Variants in RXRG observed in about 807,000 individuals in gnomAD.
RXRG encodes retinoic acid receptor RXR-gamma.
RXRG carries 19 observed loss-of-function variants against 49.2 expected under a neutral mutation model. That is an observed-to-expected ratio of 0.39 (90% confidence interval 0.27 to 0.57). The LOEUF (loss-of-function observed/expected upper bound fraction) is 0.57, where lower values mean the gene tolerates loss of function less well. RXRG is among the 20% of genes least tolerant of loss of function. The probability of loss-of-function intolerance (pLI) is 0.64; values close to 1 mark genes in which losing one functional copy is unlikely to be tolerated. For synonymous variants in RXRG, 224 were observed against 216.6 expected, an observed-to-expected ratio of 1.03 and a Z score of -0.30; for missense variants, 452 against 592.5, an observed-to-expected ratio of 0.76 and a Z score of 2.46.
At chr1:165,436,647 G>A (rs1001278683) in intron 1 of RXRG, among the ~76,000 whole-genome samples, 7 of 152,142 alleles carry the variant, frequency 4.6e-5, no homozygotes, top group African/African-American at 1.7e-4. Context: ...TCATCCCAGG[G>A]CAGGCACTCA....
intron 4 of RXRG, among the ~76,000 whole-genome samples, chr1:165,411,831 A>G (rs571010633): frequency 3.2e-4 from 49 of 152,344 alleles, no homozygotes; most frequent in Non-Finnish European, 6.0e-4. Context: ...TCTATACATT[A>G]GGATTGAAAG....
chr1:165,414,424 T>C (rs1658059230), intron 4 of RXRG, among the ~76,000 whole-genome samples: 1 of 152,204 alleles, frequency 6.6e-6, no homozygotes, highest in Non-Finnish European at 1.5e-5. Context: ...GACCACTCTG[T>C]CCCTAACTGA....
Position 165,445,014 on chromosome 1 carries a change from A to G in RXRG, c.-121T>C. 1 of 882,850 alleles carries G rather than the reference A, an allele frequency of 1.1e-6. No individual in the cohort carries two copies. The highest frequency in any genetic ancestry group is 1.9e-6 in the Non-Finnish European group (1 of 530,688). The allele number at this position is 882,850 out of a possible 1,614,324, so 54.7% of individuals were successfully genotyped here. A position where few individuals can be genotyped will look rare whatever the true frequency, so the allele number is the denominator to read the frequency against. On this transcript the variant is annotated 5_prime_UTR_variant, in exon 1 of 10. Transcript: ENST00000359842. The stretch of plus-strand genomic sequence containing the variant: ...CTAACAAGAGTGGTCATCGCTTCCT[A>G]GCAGCCCGGGGAGCACAGGCTGGGC...
chr1:165,432,037 T>C (rs943306818), intron 1 of RXRG, among the ~76,000 whole-genome samples: 2 of 152,152 alleles, frequency 1.3e-5, no homozygotes, highest in African/African-American at 4.8e-5. Context: ...AGGAATGATG[T>C]TTAAAAAACA....
chr1:165,441,025 A>G (rs1269070537), intron 1 of RXRG, among the ~76,000 whole-genome samples: 1 of 152,222 alleles, frequency 6.6e-6, no homozygotes, highest in Non-Finnish European at 1.5e-5. Context: ...AGCCACCCAC[A>G]TATCTGTGGA....
chr1:165,412,518 A>G (rs1025743016), intron 4 of RXRG, among the ~76,000 whole-genome samples: 2 of 152,244 alleles, frequency 1.3e-5, no homozygotes, highest in Non-Finnish European at 2.9e-5. Flanking sequence ...GGCATTGGCC[A>G]TATGACTGAG....
At chr1:165,409,154 G>A (rs1657853445) in intron 7 of RXRG, among the ~76,000 whole-genome samples, 1 of 152,110 alleles carries the variant, frequency 6.6e-6, no homozygotes, top group Admixed American at 6.6e-5. Context: ...GACAGATCCT[G>A]ATCCCTTTCC....
At chr1:165,415,070 T>C (rs1170657528) in intron 4 of RXRG, among the ~76,000 whole-genome samples, 1 of 152,162 alleles carries the variant, frequency 6.6e-6, no homozygotes, top group African/African-American at 2.4e-5. Context: ...TGATAACTAC[T>C]GTGTAAAAGA....
rs1220795092 is a variant in RXRG, at chr1:165,401,917, CA to C, written c.1245-508del. On this transcript the variant is annotated intron_variant, in intron 9 of 9. Coordinates refer to ENST00000359842, the MANE Select transcript of RXRG (RefSeq NM_006917.5). ...AATTTGCTTTAGTTTCCAGCCCCCACAAAAAATCTTTTTAAGAATGGGTTCT... is the reference window on the plus strand; with the variant it reads ...AATTTGCTTTAGTTTCCAGCCCCCACAAAAATCTTTTTAAGAATGGGTTCT... Among the ~76,000 whole-genome samples, 3 of 152,200 alleles carry C rather than the reference CA, an allele frequency of 2.0e-5. 1 individual carries two copies. Among genetic ancestry groups the C allele is most frequent in the Non-Finnish European group, 4.4e-5 (3 of 68,026 alleles).
intron 2 of RXRG, chr1:165,424,606 C>G (rs1018726925): frequency 5.6e-6 from 1 of 179,760 alleles, no homozygotes; most frequent in African/African-American, 2.4e-5. Flanking sequence ...GTTCCGATCT[C>G]TTTACTCCTC....
At chr1:165,416,752 C>T (rs11806846) in intron 4 of RXRG, among the ~76,000 whole-genome samples, 8 of 152,158 alleles carry the variant, frequency 5.3e-5, no homozygotes, top group East Asian at 1.9e-4. Context: ...ACCATCTGGG[C>T]TCCAGAAGAG....
At chr1:165,401,508 T>C (rs894095364) in intron 9 of RXRG, 98 bp from the exon 10 acceptor site, 2 of 1,392,814 alleles carry the variant, frequency 1.4e-6, no homozygotes, top group Non-Finnish European at 2.0e-6. Context: ...TCTCGACCCA[T>C]CTGTGATAAA....
At chr1:165,442,465 A>C (rs1258043973) in intron 1 of RXRG, among the ~76,000 whole-genome samples, 1 of 152,238 alleles carries the variant, frequency 6.6e-6, no homozygotes, top group Non-Finnish European at 1.5e-5. Context: ...CAAGTTCCCT[A>C]TACTATACTG....
At chr1:165,409,979 G>T (rs948740220) in intron 6 of RXRG, among the ~76,000 whole-genome samples, 7 of 152,190 alleles carry the variant, frequency 4.6e-5, no homozygotes, top group African/African-American at 1.7e-4. Context: ...AACAAATGTG[G>T]GTTGAACATT....
chr1:165,440,271 T>C (rs1658940370), intron 1 of RXRG, among the ~76,000 whole-genome samples: 4 of 152,234 alleles, frequency 2.6e-5, no homozygotes, highest in Admixed American at 2.6e-4. Flanking sequence ...TATTAATTTC[T>C]CTGTCCCCCA....
chr1:165,419,176 G>C (rs1407908768), intron 3 of RXRG, among the ~76,000 whole-genome samples: 2 of 152,140 alleles, frequency 1.3e-5, no homozygotes, highest in South Asian at 2.1e-4. Flanking sequence ...GAGAATCAAA[G>C]ATAAGTTGGT....
chr1:165,443,197 T>G (rs1659058157), intron 1 of RXRG, among the ~76,000 whole-genome samples: 1 of 152,176 alleles, frequency 6.6e-6, no homozygotes, highest in African/African-American at 2.4e-5. Context: ...TCCTTCTAGC[T>G]TCAACCCTTT....
At chr1:165,425,747 C>T (rs986332812) in intron 2 of RXRG, among the ~76,000 whole-genome samples, 11 of 152,194 alleles carry the variant, frequency 7.2e-5, no homozygotes, top group Non-Finnish European at 1.5e-4. Flanking sequence ...ATATATTAAG[C>T]AGTTTATAAT....
intron 1 of RXRG, among the ~76,000 whole-genome samples, chr1:165,433,964 GA>G (rs1011725245): frequency 1.3e-5 from 2 of 152,180 alleles, no homozygotes; most frequent in Non-Finnish European, 2.9e-5. Context: ...TGGCTTCAGG[GA>G]TGCAGGACTG....
Sources: allele counts gnomAD v4.1 joint callset (sites outside exome capture counted in the v4.1 genomes callset), GRCh38; gene constraint gnomAD v4.1.1; transcripts MANE v1.5; gene names NCBI Gene and HGNC (gene_info 2026-07-23, HGNC 2026-07-21).